Variants in NUP160 observed in about 807,000 individuals in gnomAD.
NUP160 encodes the protein nuclear pore complex protein Nup160.
A neutral mutation model predicts 196.9 loss-of-function variants in NUP160; 94 were observed. The ratio of observed to expected loss-of-function variants is 0.48; its 90% CI spans 0.40 to 0.57. The LOEUF is 0.57. Among genes scored for constraint, NUP160 ranks in the 20% least tolerant of loss-of-function variants. The pLI, the probability that NUP160 is intolerant of heterozygous loss-of-function variation, is 0.00. For synonymous variants in NUP160, 605 were observed against 619.7 expected (o/e 0.98, Z 0.35); for missense variants, 1,638 against 1,748.3 (o/e 0.94, Z 1.13).
At chr11:47,782,296 AAAAAAAAATATATATATATAT>A (rs1429245641) in intron 34 of NUP160, among the ~76,000 whole-genome samples, 43 of 49,568 alleles carry the variant, frequency 8.7e-4, no homozygotes, top group South Asian at 3.0e-3. Context: ...AGTTAAAAAA[AAAAAAAAATATATATATATAT>A]ATATATATAT....
intron 13 of NUP160, 38 bp downstream of exon 13, chr11:47,815,441 G>A: frequency 6.7e-7 from 1 of 1,503,382 alleles, no homozygotes; most frequent in East Asian, 2.4e-5. Context: ...CCACTGAACT[G>A]TCTCAAGAAG....
intron 13 of NUP160, among the ~76,000 whole-genome samples, chr11:47,813,756 G>A (rs1335601146): frequency 6.6e-6 from 1 of 151,538 alleles, no homozygotes; most frequent in Non-Finnish European, 1.5e-5. Flanking sequence ...AGCCTGGGAG[G>A]TTGAAGCTGC....
chr11:47,821,516 C>A, intron 9 of NUP160: 1 of 521,934 alleles, frequency 1.9e-6, no homozygotes, highest in Non-Finnish European at 3.4e-6. Flanking sequence ...GCACCTGCCA[C>A]CAGGCCCAGC....
chr11:47,843,779 C>A (rs555873869), intron 2 of NUP160, among the ~76,000 whole-genome samples: 1 of 152,288 alleles, frequency 6.6e-6, no homozygotes. Flanking sequence ...TTTATTCTCA[C>A]TTTCTAGGTG....
intron 7 of NUP160, among the ~76,000 whole-genome samples, chr11:47,824,069 G>T (rs185911945): frequency 8.0e-6 from 1 of 125,598 alleles, no homozygotes; most frequent in South Asian, 2.5e-4. Flanking sequence ...ACACATAGAA[G>T]TGGAATTTCT....
At chr11:47,806,922 G>A (rs899360245) in intron 19 of NUP160, 148 bp downstream of exon 19, 14 of 553,496 alleles carry the variant, frequency 2.5e-5, no homozygotes, top group Admixed American at 2.2e-4. Flanking sequence ...TGCCACAAAC[G>A]GAGATCTCAG....
chr11:47,810,809 G>A (rs1410820784), intron 17 of NUP160, among the ~76,000 whole-genome samples: 1 of 152,080 alleles, frequency 6.6e-6, no homozygotes, highest in Non-Finnish European at 1.5e-5. Context: ...GCCTCGCAAA[G>A]TGCTGGGATT....
intron 18 of NUP160, among the ~76,000 whole-genome samples, 183 bp downstream of exon 18, chr11:47,808,213 G>C (rs986911594): frequency 2.6e-5 from 4 of 152,126 alleles, no homozygotes; most frequent in African/African-American, 9.7e-5. Flanking sequence ...CCTGGGAGGC[G>C]GAGGTTGCAG....
At chr11:47,840,496 C>T in exon 3 of NUP160, 1 of 1,614,122 alleles carries the variant, frequency 6.2e-7, no homozygotes, top group South Asian at 1.1e-5. Flanking sequence ...AGGTAAAACA[C>T]TGCAATTTTG....
chr11:47,813,184 C>T (rs1470458575), intron 14 of NUP160, 132 bp downstream of exon 14: 1 of 964,210 alleles, frequency 1.0e-6, no homozygotes, highest in Admixed American at 2.5e-5. Context: ...CTTAAGTGTT[C>T]ATTAAAATAT....
intron 31 of NUP160, among the ~76,000 whole-genome samples, chr11:47,787,384 G>A (rs1332484612): frequency 6.6e-6 from 1 of 151,222 alleles, no homozygotes; most frequent in Non-Finnish European, 1.5e-5. Flanking sequence ...CACTGCACCT[G>A]GCTGAAAAAT....
rs570654059 is a variant in NUP160 at position 47,792,648 on chromosome 11, AT to A, written c.3450+137del. 3 of 815,052 alleles carry A rather than the reference AT, an allele frequency of 3.7e-6. No homozygotes were observed. The South Asian group carries it at 5.9e-5, about 16-fold the overall frequency. The allele number at this position is 815,052 out of a possible 1,614,324, so 50.5% of individuals were successfully genotyped here. ...TACAACAATTGAATTGTAAACATAG[AT>A]TTTTTTCACAAATATCTCAGTAGAA... On this transcript the variant is annotated intron_variant, in intron 28 of 35. Transcript: ENST00000378460.
At chr11:47,823,604 G>A (rs187260660) in intron 7 of NUP160, among the ~76,000 whole-genome samples, 368 of 151,882 alleles carry the variant, frequency 2.4e-3, no homozygotes, top group Middle Eastern at 0.014. Context: ...GTGCGATCTC[G>A]GCTCACTGCA....
intron 20 of NUP160, 70 bp downstream of exon 20, chr11:47,806,083 G>C (rs926463503): frequency 6.5e-5 from 94 of 1,443,828 alleles, no homozygotes; most frequent in Non-Finnish European, 8.2e-5. Context: ...CAAAGTGCTG[G>C]GATTACAGGT....
chr11:47,788,783 G>A (rs147032504), intron 29 of NUP160, among the ~76,000 whole-genome samples, 172 bp from the exon 30 acceptor site: 28 of 152,074 alleles, frequency 1.8e-4, no homozygotes, highest in Non-Finnish European at 3.1e-4. Flanking sequence ...AACAAATTAT[G>A]CAATATCCCA....
At chr11:47,814,117 G>A (rs1337133937) in intron 13 of NUP160, among the ~76,000 whole-genome samples, 2 of 141,770 alleles carry the variant, frequency 1.4e-5, no homozygotes, top group Admixed American at 7.4e-5. Flanking sequence ...ACTGCAGCCT[G>A]GGTGACACAG....
Position 47,848,382 on chromosome 11 carries a change from CG to C in NUP160, c.38del (p.Pro13ArgfsTer3), listed in dbSNP as rs1460932359. 2 of 1,606,108 alleles carry C rather than the reference CG, an allele frequency of 1.2e-6. No individual in the cohort carries two copies. Among genetic ancestry groups the C allele is most frequent in the South Asian group, 1.1e-5 (1 of 90,736 alleles). On this transcript the variant is annotated frameshift_variant, in exon 1 of 36. Transcript: ENST00000378460. LOFTEE classifies it high-confidence loss of function. Reference sequence around the variant, plus strand: ...AGGGCCGCGCGGTCGCCGTCACTTCCGGGGGTGGGGCGGGCGGAGCTGCGGA... The same window carrying C: ...AGGGCCGCGCGGTCGCCGTCACTTCCGGGGTGGGGCGGGCGGAGCTGCGGA...
chr11:47,837,153 A>G (rs540187039), intron 5 of NUP160, 152 bp from the exon 6 acceptor site: 8 of 511,136 alleles, frequency 1.6e-5, no homozygotes, highest in African/African-American at 3.8e-5. Context: ...CTACATTTCT[A>G]TTTGGTTTAT....
intron 4 of NUP160, among the ~76,000 whole-genome samples, chr11:47,838,394 T>C (rs1852222139): frequency 6.6e-6 from 1 of 152,176 alleles, no homozygotes; most frequent in East Asian, 1.9e-4. Flanking sequence ...CAGCATAACA[T>C]GATATATTTG....
Sources: allele counts gnomAD v4.1 joint callset (sites outside exome capture counted in the v4.1 genomes callset), GRCh38; gene constraint gnomAD v4.1.1; transcripts MANE v1.5; gene names NCBI Gene and HGNC (gene_info 2026-07-23, HGNC 2026-07-21).